The following DMD variants were observed in gnomAD, a reference collection of about 807,000 sequenced individuals.
DMD encodes mutant dystrophin.
Under a neutral mutation model 330.1 loss-of-function variants are expected in DMD, and 63 were observed. The observed-to-expected ratio is 0.19, with a 90% CI of 0.16 to 0.24. The LOEUF is 0.24. Among genes scored for constraint, DMD ranks in the 10% least tolerant of loss-of-function variants. The probability of loss-of-function intolerance (pLI) is 1.00; values close to 1 mark genes in which losing one functional copy is unlikely to be tolerated. For synonymous variants in DMD, 1,223 were observed against 959.8 expected (o/e 1.27, Z -5.07); for missense variants, 3,344 against 2,684.1 (o/e 1.25, Z -5.43).
intron 59 of DMD, among the ~76,000 whole-genome samples, chrX:31,449,795 T>TATATAG (rs1556643941): frequency 1.7e-3 from 142 of 81,238 alleles, no homozygotes; most frequent in Middle Eastern, 7.2e-3. Context: ...TATATATATA[T>TATATAG]ATAGATAGAT....
intron 1 of DMD, chrX:33,127,932 G>T: frequency 1.3e-6 from 1 of 757,770 alleles, no homozygotes; most frequent in African/African-American, 2.1e-5. Context: ...TTATCCTATA[G>T]GTTATTGGTG....
At chrX:31,676,400 A>G (rs1328737388) in intron 53 of DMD, among the ~76,000 whole-genome samples, 1 of 112,641 alleles carries the variant, frequency 8.9e-6, no homozygotes, top group Non-Finnish European at 1.9e-5. Flanking sequence ...CGTTTCATTA[A>G]AAATGAAATG....
rs144268734 is a variant in DMD at position 31,530,059 on chromosome X, C to T, written c.8218-22606G>A. The stretch of plus-strand genomic sequence containing the variant: ...GAAATTTACTTTAAATTTTCCTTTA[C>T]GGAGAAATGATTCATTCCCCCTGTA... On this transcript the variant is annotated intron_variant, in intron 55 of 78. Transcript: ENST00000357033. 2.3e-4 allele frequency among the ~76,000 whole-genome samples: 26 copies of T among 111,877 alleles called. No individual in the cohort carries two copies. The South Asian group carries it at 7.9e-3, about 34-fold the overall frequency.
Position 31,126,219 on chromosome X carries a change from C to G in DMD, c.11046+423G>C, listed in dbSNP as rs150481787. On this transcript the variant is annotated intron_variant, in intron 78 of 78. Transcript: ENST00000357033. ...GGAAACAAAAGCAAAATGAAGTCAT[C>G]CCAGAAGAATAAAAACTAAGGGCGC... 1.3e-4 allele frequency among the ~76,000 whole-genome samples: 15 copies of G among 111,754 alleles called. No homozygotes were observed. In the East Asian group the frequency reaches 4.2e-3, roughly 31 times the overall value.
At chrX:33,074,954 C>T (rs755613316) in intron 1 of DMD, among the ~76,000 whole-genome samples, 4 of 111,503 alleles carry the variant, frequency 3.6e-5, no homozygotes, top group Non-Finnish European at 7.5e-5. Context: ...TAGCCCTTCC[C>T]CAAAACTCAA....
At chrX:31,875,423 C>A (rs1458268932) in intron 47 of DMD, 50 bp from the exon 48 acceptor site, 16 of 905,096 alleles carry the variant, frequency 1.8e-5, no homozygotes, top group Non-Finnish European at 2.5e-5. Context: ...AAGGCATAAG[C>A]CAAAATGTTT....
At chrX:32,186,600 A>T (rs1425998047) in intron 44 of DMD, among the ~76,000 whole-genome samples, 6 of 111,650 alleles carry the variant, frequency 5.4e-5, no homozygotes, top group African/African-American at 1.9e-4. Context: ...TTTGATTTGA[A>T]CATGTACATT....
intron 63 of DMD, among the ~76,000 whole-genome samples, chrX:31,225,615 CAGACTTG>C (rs1356282543): frequency 1.8e-5 from 2 of 111,925 alleles, no homozygotes; most frequent in Non-Finnish European, 3.8e-5. Flanking sequence ...CAATGGTTTT[CAGACTTG>C]AGCAAACATC....
intron 59 of DMD, among the ~76,000 whole-genome samples, chrX:31,472,704 T>C (rs1171007788): frequency 1.8e-5 from 2 of 112,304 alleles, no homozygotes; most frequent in African/African-American, 6.5e-5. Context: ...ATGCTGAAGA[T>C]AAATAAGGAT....
chrX:31,166,694 G>A (rs1406364000), intron 74 of DMD, among the ~76,000 whole-genome samples: 2 of 111,182 alleles, frequency 1.8e-5, no homozygotes, highest in African/African-American at 6.6e-5. Flanking sequence ...GAAGCTCCTT[G>A]CGCAGAACTG....
At chrX:32,054,537 T>A (rs2147576909) in intron 44 of DMD, among the ~76,000 whole-genome samples, 1 of 109,473 alleles carries the variant, frequency 9.1e-6, no homozygotes, top group African/African-American at 3.3e-5. Flanking sequence ...TACAAAAAAA[T>A]TCTAATTGAC....
chrX:31,784,258 A>G (rs2091176636), intron 50 of DMD, among the ~76,000 whole-genome samples: 1 of 111,891 alleles, frequency 8.9e-6, no homozygotes, highest in African/African-American at 3.2e-5. Flanking sequence ...ATCGTCAATC[A>G]TCGGGGAAAT....
At chrX:31,626,143 C>G (rs765705308) in intron 55 of DMD, among the ~76,000 whole-genome samples, 5 of 110,029 alleles carry the variant, frequency 4.5e-5, no homozygotes, top group Non-Finnish European at 7.6e-5. Context: ...GGTCACCATA[C>G]CCAGCTAATT....
intron 44 of DMD, among the ~76,000 whole-genome samples, chrX:32,109,061 C>T (rs1237672996): frequency 8.9e-6 from 1 of 111,771 alleles, no homozygotes; most frequent in East Asian, 2.8e-4. Flanking sequence ...CTATGCTCAT[C>T]TATCAGCCTA....
At chrX:31,463,116 C>T (rs1256032867) in intron 59 of DMD, among the ~76,000 whole-genome samples, 4 of 111,793 alleles carry the variant, frequency 3.6e-5, no homozygotes, top group Non-Finnish European at 7.5e-5. Flanking sequence ...AAATTTCATG[C>T]TCATGGAAAA....
intron 7 of DMD, among the ~76,000 whole-genome samples, chrX:32,715,469 C>CAA (rs61325834): frequency 0.026 from 444 of 17,215 alleles, 34 homozygotes; most frequent in African/African-American, 0.042. Flanking sequence ...GAGATTCCAT[C>CAA]AAAAAAAAAA....
intron 9 of DMD, among the ~76,000 whole-genome samples, chrX:32,686,243 A>T (rs1330256513): frequency 7.1e-5 from 8 of 111,908 alleles, no homozygotes; most frequent in African/African-American, 2.3e-4. Context: ...ATGGGTATCC[A>T]CTAATTATAC....
chrX:32,784,701 C>A (rs1042652653), intron 7 of DMD, among the ~76,000 whole-genome samples: 1 of 111,367 alleles, frequency 9.0e-6, no homozygotes, highest in African/African-American at 3.3e-5. Context: ...TGTATGGATC[C>A]GTGGATTTTG....
intron 1 of DMD, among the ~76,000 whole-genome samples, chrX:33,056,349 CTTTTT>C (rs1400313764): frequency 9.9e-6 from 1 of 101,275 alleles, no homozygotes; most frequent in African/African-American, 3.5e-5. Flanking sequence ...TTTTTTTTTT[CTTTTT>C]CTTTTCTTTT....
Sources: gnomAD v4.1 joint callset for allele counts (sites outside exome capture counted in the v4.1 genomes callset) on GRCh38, gnomAD v4.1.1 for gene constraint, MANE v1.5 for transcripts, NCBI Gene and HGNC (gene_info 2026-07-23, HGNC 2026-07-21) for gene names.